Variants in R3HDM1 observed in about 807,000 individuals in gnomAD.
R3HDM1 encodes the protein R3H domain-containing protein 1.
A neutral mutation model predicts 141.1 loss-of-function variants in R3HDM1; 46 were observed. The observed-to-expected ratio is 0.33, with a 90% CI of 0.26 to 0.42. The LOEUF (loss-of-function observed/expected upper bound fraction) is 0.42, where lower values mean the gene tolerates loss of function less well. Ranked by LOEUF, R3HDM1 falls within the 10% of genes least tolerant of loss-of-function variation. The pLI is 1.00. For synonymous variants in R3HDM1, 435 were observed against 472.9 expected, an observed-to-expected ratio of 0.92 and a Z score of 1.04; for missense variants, 1,184 against 1,368.3, an observed-to-expected ratio of 0.87 and a Z score of 2.12.
At chr2:135,564,291 A>G (rs1228011937) in intron 1 of R3HDM1, among the ~76,000 whole-genome samples, 1 of 152,186 alleles carries the variant, frequency 6.6e-6, no homozygotes, top group Non-Finnish European at 1.5e-5. Context: ...GCAAATGGTG[A>G]ATTTAAATGT....
intron 21 of R3HDM1, among the ~76,000 whole-genome samples, chr2:135,708,649 A>G (rs992469878): frequency 4.6e-5 from 7 of 152,172 alleles, no homozygotes; most frequent in African/African-American, 1.7e-4. Context: ...GACAAACCCC[A>G]TATTAATTTG....
rs148714472 is a variant in R3HDM1, at chr2:135,592,887, G to A, written c.-249-9613G>A. Among the ~76,000 whole-genome samples the A allele has an allele frequency of 5.0e-3, 757 of 151,936 alleles. 2 individuals carry two copies. Among genetic ancestry groups the A allele is most frequent in the African/African-American group, 0.015 (624 of 41,424 alleles). ...CCTTTCTTGTGGTAGATGGGACTGC[G>A]GGCATGTGCCACCATACTCTACCTC... On this transcript the variant is annotated intron_variant, in intron 1 of 26. Transcript: ENST00000683871.
chr2:135,657,801 A>G (rs377414168), intron 18 of R3HDM1, among the ~76,000 whole-genome samples: 10 of 152,364 alleles, frequency 6.6e-5, no homozygotes, highest in African/African-American at 1.4e-4. Flanking sequence ...AGAGAACTTC[A>G]TTACTAATAC....
At chr2:135,586,768 C>G in intron 1 of R3HDM1, 1 of 984,644 alleles carries the variant, frequency 1.0e-6, no homozygotes, top group Non-Finnish European at 1.2e-6. Flanking sequence ...TTTGATATTT[C>G]TTGTAACTTA....
At chr2:135,720,738 G>A (rs1017722355) in intron 24 of R3HDM1, among the ~76,000 whole-genome samples, 1 of 152,328 alleles carries the variant, frequency 6.6e-6, no homozygotes, top group East Asian at 1.9e-4. Context: ...GACCTAGGAT[G>A]TACAACTACC....
chr2:135,597,678 T>A (rs1330249353), intron 1 of R3HDM1, among the ~76,000 whole-genome samples: 1 of 152,222 alleles, frequency 6.6e-6, no homozygotes, highest in Non-Finnish European at 1.5e-5. Flanking sequence ...AACTAGATAG[T>A]GATAAGGAAG....
chr2:135,648,306 C>A (rs1196668893), intron 16 of R3HDM1, among the ~76,000 whole-genome samples: 1 of 151,854 alleles, frequency 6.6e-6, no homozygotes, highest in African/African-American at 2.4e-5. Context: ...TTTTTAGAAA[C>A]CGTTGTGTTG....
chr2:135,698,437 G>A (rs2073617853), intron 21 of R3HDM1, among the ~76,000 whole-genome samples: 1 of 152,004 alleles, frequency 6.6e-6, no homozygotes, highest in South Asian at 2.1e-4. Flanking sequence ...GGGATTACAG[G>A]CATGAGCCAC....
intron 21 of R3HDM1, among the ~76,000 whole-genome samples, chr2:135,687,215 A>G (rs1178688321): frequency 6.6e-6 from 1 of 152,182 alleles, no homozygotes; most frequent in East Asian, 1.9e-4. Flanking sequence ...AAAATAAAAT[A>G]GTCAAACTTG....
At chr2:135,628,166 T>C (rs933091150) in intron 7 of R3HDM1, among the ~76,000 whole-genome samples, 1 of 152,200 alleles carries the variant, frequency 6.6e-6, no homozygotes, top group Non-Finnish European at 1.5e-5. Context: ...GTAGGGCCCC[T>C]ATAAAGGATT....
chr2:135,622,252 T>G, intron 6 of R3HDM1: 2 of 983,460 alleles, frequency 2.0e-6, no homozygotes, highest in Non-Finnish European at 2.4e-6. Context: ...CTCCATTATA[T>G]TCATATCTGA....
At chr2:135,558,055 A>G (rs1701109560) in intron 1 of R3HDM1, among the ~76,000 whole-genome samples, 1 of 152,240 alleles carries the variant, frequency 6.6e-6, no homozygotes, top group African/African-American at 2.4e-5. Flanking sequence ...TAAAAGTAAT[A>G]AAACATTAGA....
intron 5 of R3HDM1, 68 bp from the exon 6 acceptor site, chr2:135,621,423 AAAT>A: frequency 1.0e-6 from 1 of 963,930 alleles, no homozygotes; most frequent in Non-Finnish European, 1.5e-6. Context: ...GTTACTCAAA[AAAT>A]ATAAATGTGT....
chr2:135,552,000 A>G (rs1455239625), intron 1 of R3HDM1, among the ~76,000 whole-genome samples: 1 of 152,242 alleles, frequency 6.6e-6, no homozygotes, highest in Non-Finnish European at 1.5e-5. Context: ...TTGAAAAGTT[A>G]GCATAAATTA....
chr2:135,704,500 A>G (rs1315803434), intron 21 of R3HDM1, among the ~76,000 whole-genome samples: 1 of 147,586 alleles, frequency 6.8e-6, no homozygotes, highest in Non-Finnish European at 1.5e-5. Context: ...TTTGAGACAG[A>G]GTCTCTTTCG....
chr2:135,643,490 C>A (rs2064030407), intron 15 of R3HDM1, among the ~76,000 whole-genome samples: 1 of 151,202 alleles, frequency 6.6e-6, no homozygotes, highest in Non-Finnish European at 1.5e-5. Context: ...AACTGTTTTT[C>A]AGTCAAATTT....
At chr2:135,628,580 A>C (rs1162082953) in intron 7 of R3HDM1, among the ~76,000 whole-genome samples, 2 of 152,164 alleles carry the variant, frequency 1.3e-5, no homozygotes, top group African/African-American at 4.8e-5. Context: ...ATTTAAATGT[A>C]CTGTTTTATG....
intron 3 of R3HDM1, chr2:135,606,182 G>T (rs190948156): frequency 6.6e-6 from 1 of 152,416 alleles, no homozygotes; most frequent in East Asian, 1.9e-4. Context: ...GCAGTGCTGG[G>T]CTCAGGTAGA....
rs770194063 is a variant in R3HDM1, at chr2:135,711,450, G to A, written c.2736+1219G>A. 4.0e-5 allele frequency among the ~76,000 whole-genome samples: 6 copies of A among 150,826 alleles called. No individual in the cohort carries two copies. In the East Asian group the frequency reaches 5.9e-4, roughly 15 times the overall value. ...TGGGAAGCTAAGGCAGACCTGGAAC[G>A]CAGGAGTTCGAGACCAGCCTGGGTA... On this transcript the variant is annotated intron_variant, in intron 23 of 26. Transcript: ENST00000683871.
Sources: allele counts gnomAD v4.1 joint callset (sites outside exome capture counted in the v4.1 genomes callset), GRCh38; gene constraint gnomAD v4.1.1; transcripts MANE v1.5; gene names NCBI Gene and HGNC (gene_info 2026-07-23, HGNC 2026-07-21).